The following SNAPC3 variants were observed in gnomAD, a reference collection of about 807,000 sequenced individuals.
SNAPC3 encodes the protein snRNA-activating protein complex subunit 3.
A neutral mutation model predicts 47.7 loss-of-function variants in SNAPC3; 56 were observed. That is an observed-to-expected ratio of 1.18 (90% CI 0.95 to 1.47). The LOEUF (loss-of-function observed/expected upper bound fraction) is 1.47, where lower values mean the gene tolerates loss of function less well. Ranked by LOEUF, SNAPC3 falls within the 40% of genes most tolerant of loss-of-function variation. The pLI, the probability that SNAPC3 is intolerant of heterozygous loss-of-function variation, is 0.00. For synonymous variants in SNAPC3, 235 were observed against 189.9 expected (o/e 1.24, Z -1.95); for missense variants, 665 against 511.3 (o/e 1.30, Z -2.90).
intron 6 of SNAPC3, among the ~76,000 whole-genome samples, chr9:15,451,778 AT>A (rs1337568973): frequency 6.6e-6 from 1 of 152,110 alleles, no homozygotes; most frequent in African/African-American, 2.4e-5. Flanking sequence ...ATAGTGGCAA[AT>A]TAACCTTTCA....
At chr9:15,441,755 C>G (rs1387787194) in intron 3 of SNAPC3, among the ~76,000 whole-genome samples, 1 of 152,208 alleles carries the variant, frequency 6.6e-6, no homozygotes, top group East Asian at 1.9e-4. Context: ...AAGAATTTTT[C>G]TTAGTACAGA....
At chr9:15,458,593 GT>G (rs1423523097) in intron 8 of SNAPC3, among the ~76,000 whole-genome samples, 1 of 152,006 alleles carries the variant, frequency 6.6e-6, no homozygotes, top group Non-Finnish European at 1.5e-5. Context: ...TTAAAATATA[GT>G]TTTATAAAAT....
At position 15,440,948 on chromosome 9, in the gene SNAPC3, C is replaced by CAAAAA. The variant is rs1199527486; in HGVS notation, c.478-3639_478-3635dup. Among the ~76,000 whole-genome samples the CAAAAA allele has an allele frequency of 3.6e-4, 44 of 121,636 alleles. 2 individuals carry two copies. The highest frequency in any genetic ancestry group is 1.1e-3 in the African/African-American group (34 of 31,406). The allele number at this position is 121,636 out of a possible 152,430, so 79.8% of individuals were successfully genotyped here. ...TGGGCAACAGAGTGAGACTCCGTCT[C>CAAAAA]AAAAAAAAAAAAAAAAAAATTGGTC... On this transcript the variant is annotated intron_variant, in intron 3 of 8. Coordinates refer to ENST00000380821, the MANE Select transcript of SNAPC3 (RefSeq NM_001039697.2).
intron 7 of SNAPC3, among the ~76,000 whole-genome samples, chr9:15,455,040 A>G (rs2034671977): frequency 6.6e-6 from 1 of 152,226 alleles, no homozygotes. Context: ...TGTGTGGCTT[A>G]GGTAGAAGTA....
chr9:15,464,196 C>G (rs1282796979), downstream of SNAPC3: 1 of 189,988 alleles, frequency 5.3e-6, no homozygotes, highest in Admixed American at 6.2e-5. Context: ...CAGGTTCTCT[C>G]AAAACGGTGA....
At chr9:15,445,526 A>G (rs917650880) in intron 4 of SNAPC3, among the ~76,000 whole-genome samples, 1 of 151,924 alleles carries the variant, frequency 6.6e-6, no homozygotes, top group African/African-American at 2.4e-5. Context: ...GATTCCTTAA[A>G]TAGATGTGTC....
intron 8 of SNAPC3, among the ~76,000 whole-genome samples, chr9:15,458,405 T>C (rs962282602): frequency 6.6e-6 from 1 of 152,194 alleles, no homozygotes; most frequent in African/African-American, 2.4e-5. Context: ...AATAACTCCC[T>C]GTTAGAGGGT....
At chr9:15,446,459 G>A (rs1243670745) in intron 4 of SNAPC3, among the ~76,000 whole-genome samples, 4 of 152,114 alleles carry the variant, frequency 2.6e-5, no homozygotes, top group Non-Finnish European at 5.9e-5. Context: ...CTCCTGCTTC[G>A]GCCTCCCAAA....
At chr9:15,440,851 AG>A (rs1288254537) in intron 3 of SNAPC3, among the ~76,000 whole-genome samples, 1 of 151,020 alleles carries the variant, frequency 6.6e-6, no homozygotes, top group Non-Finnish European at 1.5e-5. Flanking sequence ...TGGGAGGCTG[AG>A]GCAGGAGAAT....
chr9:15,426,477 T>C (rs546975730), intron 2 of SNAPC3, among the ~76,000 whole-genome samples: 1 of 152,208 alleles, frequency 6.6e-6, no homozygotes, highest in African/African-American at 2.4e-5. Flanking sequence ...CCACACTCAC[T>C]GCTATATTAC....
At chr9:15,458,894 A>G (rs531048809) in intron 8 of SNAPC3, among the ~76,000 whole-genome samples, 13 of 152,312 alleles carry the variant, frequency 8.5e-5, no homozygotes, top group Non-Finnish European at 1.3e-4. Context: ...TCATTGGAGC[A>G]TTTTGGATTT....
At chr9:15,443,067 A>G (rs2033629896) in intron 3 of SNAPC3, among the ~76,000 whole-genome samples, 2 of 152,226 alleles carry the variant, frequency 1.3e-5, no homozygotes, top group Admixed American at 6.5e-5. Flanking sequence ...GGCACTCGGC[A>G]GGCTGAGGCA....
chr9:15,429,460 A>G (rs1021638862), intron 2 of SNAPC3, among the ~76,000 whole-genome samples: 8 of 152,230 alleles, frequency 5.3e-5, no homozygotes, highest in African/African-American at 1.9e-4. Context: ...AACAAAGTAC[A>G]GTATTGCAAC....
chr9:15,451,468 A>C, intron 6 of SNAPC3, 66 bp downstream of exon 6: 3 of 674,866 alleles, frequency 4.4e-6, no homozygotes, highest in Non-Finnish European at 5.0e-6. Flanking sequence ...TGTTATCTCC[A>C]CAAATCCTAT....
At chr9:15,458,180 G>T in intron 8 of SNAPC3, 113 bp downstream of exon 8, 1 of 567,914 alleles carries the variant, frequency 1.8e-6, no homozygotes, top group Admixed American at 3.7e-5. Flanking sequence ...TAAATATGAA[G>T]TATCATCTAG....
intron 6 of SNAPC3, among the ~76,000 whole-genome samples, chr9:15,452,403 C>G (rs1276557261): frequency 1.3e-5 from 2 of 151,438 alleles, no homozygotes; most frequent in Non-Finnish European, 2.9e-5. Context: ...ACCACAGCCT[C>G]TGCCTTCCAG....
At chr9:15,453,358 G>T in intron 7 of SNAPC3, 153 bp downstream of exon 7, 1 of 537,770 alleles carries the variant, frequency 1.9e-6, no homozygotes, top group Non-Finnish European at 3.2e-6. Flanking sequence ...TTCTTTCCAT[G>T]CAAATACCAA....
At position 15,461,561 on chromosome 9, in the gene SNAPC3, G is replaced by A. The variant is rs2035225049; in HGVS notation, c.*1695G>A. ...GTAGAACATTTAATACTGTTTAGAA[G>A]ACTTTTAGGAATACTATAGATTTCA... On this transcript the variant is annotated 3_prime_UTR_variant, in exon 9 of 9. Coordinates refer to ENST00000380821, the MANE Select transcript of SNAPC3 (RefSeq NM_001039697.2). 1 of 152,104 alleles carries A rather than the reference G, an allele frequency of 6.6e-6. No homozygotes were observed. 9.4% of individuals were successfully genotyped at this position (152,104 alleles called of 1,614,324 possible).
rs35960449 is a variant in SNAPC3 at position 15,458,082 on chromosome 9, A to ATT, written c.1088+25_1088+26dup. The ATT allele has an allele frequency of 0.11, 106,523 of 934,384 alleles. 1,102 individuals are homozygous for ATT. Among genetic ancestry groups the ATT allele is most frequent in the African/African-American group, 0.17 (10,261 of 59,678 alleles). 57.9% of individuals were successfully genotyped at this position (934,384 alleles called of 1,614,324 possible). On this transcript the variant is annotated intron_variant, in intron 8 of 8. Coordinates refer to ENST00000380821, the MANE Select transcript of SNAPC3 (RefSeq NM_001039697.2). ...TATACAGCCAGGTGAGTGATAATGT[A>ATT]TTTTTTTTTTTCTCTGAGAAATGGC...
Sources: gnomAD v4.1 joint callset for allele counts (sites outside exome capture counted in the v4.1 genomes callset) on GRCh38, gnomAD v4.1.1 for gene constraint, MANE v1.5 for transcripts, NCBI Gene and HGNC (gene_info 2026-07-23, HGNC 2026-07-21) for gene names.